CALN1: variants seen among roughly 807,000 people sequenced by gnomAD.
The protein encoded by CALN1 is calneuron 1.
CALN1 carries 17 observed loss-of-function variants against 30.6 expected under a neutral mutation model. The observed-to-expected ratio is 0.56, with a 90% CI of 0.38 to 0.83. CALN1 has a LOEUF of 0.83. CALN1 is among the 40% of genes least tolerant of loss of function. The pLI is 0.00. For synonymous variants in CALN1, 156 were observed against 131.4 expected (o/e 1.19, Z -1.28); for missense variants, 291 against 354.9 (o/e 0.82, Z 1.45).
chr7:72,152,055 C>G (rs2129544231), intron 3 of CALN1, among the ~76,000 whole-genome samples: 1 of 151,806 alleles, frequency 6.6e-6, no homozygotes, highest in East Asian at 1.9e-4. Flanking sequence ...ATTACAGGCA[C>G]CCACTACTGC....
intron 3 of CALN1, among the ~76,000 whole-genome samples, chr7:72,133,347 A>G (rs1248920625): frequency 6.6e-6 from 1 of 152,228 alleles, no homozygotes; most frequent in East Asian, 1.9e-4. Context: ...AAAATAAACA[A>G]TAACGGCAGT....
chr7:72,425,165 G>A (rs1490964337), intron 1 of CALN1, among the ~76,000 whole-genome samples: 1 of 152,132 alleles, frequency 6.6e-6, no homozygotes, highest in African/African-American at 2.4e-5. Flanking sequence ...CCAGGCTGGA[G>A]TGCAATGGCA....
At chr7:72,118,796 G>A (rs1228380884) in intron 3 of CALN1, among the ~76,000 whole-genome samples, 1 of 152,194 alleles carries the variant, frequency 6.6e-6, no homozygotes, top group East Asian at 1.9e-4. Flanking sequence ...AAGTCAGAAG[G>A]AAGGGATCTC....
At chr7:72,262,028 C>T (rs1393086209) in intron 3 of CALN1, among the ~76,000 whole-genome samples, 1 of 152,220 alleles carries the variant, frequency 6.6e-6, no homozygotes, top group Non-Finnish European at 1.5e-5. Flanking sequence ...TCAAACACCA[C>T]CTCCCGCTTT....
chr7:72,062,336 C>A (rs1182934488), intron 4 of CALN1, among the ~76,000 whole-genome samples: 1 of 151,860 alleles, frequency 6.6e-6, no homozygotes, highest in South Asian at 2.1e-4. Flanking sequence ...CATGGTGAAG[C>A]CTCATCTCTA....
intron 5 of CALN1, among the ~76,000 whole-genome samples, chr7:71,943,463 C>A (rs1468139274): frequency 2.6e-5 from 4 of 152,092 alleles, no homozygotes; most frequent in African/African-American, 4.8e-5. Context: ...TTTTTTGAGA[C>A]AGGATCTCAC....
At chr7:71,968,183 G>A in intron 5 of CALN1, among the ~76,000 whole-genome samples, 1 of 152,156 alleles carries the variant, frequency 6.6e-6, no homozygotes, top group South Asian at 2.1e-4. Flanking sequence ...GTAAGCTATG[G>A]TAGTACACTC....
chr7:72,138,759 C>T (rs939066545), intron 3 of CALN1, among the ~76,000 whole-genome samples: 11 of 152,156 alleles, frequency 7.2e-5, no homozygotes, highest in South Asian at 2.1e-4. Context: ...AACCATTGGT[C>T]GGCCTCTCTC....
chr7:72,031,282 T>C (rs369249394), intron 4 of CALN1, among the ~76,000 whole-genome samples: 109 of 152,288 alleles, frequency 7.2e-4, no homozygotes, highest in African/African-American at 2.5e-3. Flanking sequence ...CTCCCTGTGG[T>C]CTAGCTCTTG....
chr7:72,394,611 T>C (rs530507850), intron 2 of CALN1, among the ~76,000 whole-genome samples: 5 of 151,950 alleles, frequency 3.3e-5, no homozygotes, highest in South Asian at 4.2e-4. Context: ...TTTTGATGTA[T>C]ATATGCTTAT....
intron 5 of CALN1, among the ~76,000 whole-genome samples, chr7:71,895,038 T>C (rs544670825): frequency 6.6e-6 from 1 of 152,212 alleles, no homozygotes; most frequent in South Asian, 2.1e-4. Flanking sequence ...CACAGCAACC[T>C]CTGCCTCCTG....
intron 1 of CALN1, among the ~76,000 whole-genome samples, chr7:72,439,878 C>G (rs1808298809): frequency 6.6e-6 from 1 of 151,890 alleles, no homozygotes; most frequent in Non-Finnish European, 1.5e-5. Context: ...TGCCGGGCCT[C>G]TCCTTGTCTT....
At chr7:72,252,898 T>C (rs1397304771) in intron 3 of CALN1, among the ~76,000 whole-genome samples, 1 of 152,218 alleles carries the variant, frequency 6.6e-6, no homozygotes, top group Non-Finnish European at 1.5e-5. Flanking sequence ...GCTTCAAACA[T>C]TGTAGGCACT....
chr7:71,992,248 T>C (rs1278623784), intron 5 of CALN1, among the ~76,000 whole-genome samples: 1 of 151,760 alleles, frequency 6.6e-6, no homozygotes, highest in Admixed American at 6.6e-5. Context: ...AAATAAACTG[T>C]AACTAACTAA....
At chr7:72,319,411 A>G (rs1800717257) in intron 2 of CALN1, among the ~76,000 whole-genome samples, 1 of 152,208 alleles carries the variant, frequency 6.6e-6, no homozygotes, top group Non-Finnish European at 1.5e-5. Context: ...AGACCTCATG[A>G]GACTTATTCG....
At chr7:72,192,952 CTGAAA>C (rs1167807188) in intron 3 of CALN1, among the ~76,000 whole-genome samples, 2 of 151,968 alleles carry the variant, frequency 1.3e-5, no homozygotes, top group African/African-American at 4.8e-5. Context: ...CTCTGGGATG[CTGAAA>C]CAGGCGGATC....
At chr7:72,455,321 A>G in the CALN1 span, among the ~76,000 whole-genome samples, 535 of 138,838 alleles carry the variant, frequency 3.9e-3, 1 homozygote, top group East Asian at 8.7e-3. Context: ...ATATATATAT[A>G]TGTGTGTGTG....
chr7:72,378,227 CA>C (rs766879976), intron 2 of CALN1, among the ~76,000 whole-genome samples: 3 of 152,122 alleles, frequency 2.0e-5, no homozygotes, highest in Non-Finnish European at 4.4e-5. Context: ...CAAATACTTA[CA>C]TTTTTTTGTG....
intron 3 of CALN1, among the ~76,000 whole-genome samples, chr7:72,271,103 G>GA (rs762072347): frequency 2.0e-5 from 3 of 152,312 alleles, no homozygotes; most frequent in East Asian, 3.9e-4. Flanking sequence ...AATTTCCTGG[G>GA]AAAAATCCCA....
Sources: gnomAD v4.1 joint callset for allele counts (sites outside exome capture counted in the v4.1 genomes callset) on GRCh38, gnomAD v4.1.1 for gene constraint, MANE v1.5 for transcripts, NCBI Gene and HGNC (gene_info 2026-07-23, HGNC 2026-07-21) for gene names.